The following AP3B1 variants were observed in gnomAD, a reference collection of about 807,000 sequenced individuals.
AP3B1 encodes adaptor related protein complex 3 subunit beta 1, also known as AP-3 complex subunit beta-1.
A neutral mutation model predicts 132.5 loss-of-function variants in AP3B1; 61 were observed. The ratio of observed to expected loss-of-function variants is 0.46; its 90% confidence interval spans 0.37 to 0.57. The LOEUF is 0.57. Ranked by LOEUF, AP3B1 falls within the 20% of genes least tolerant of loss-of-function variation. AP3B1 has a pLI of 0.00. For synonymous variants in AP3B1, 388 were observed against 438.3 expected, an observed-to-expected ratio of 0.89 and a Z score of 1.43; for missense variants, 1,120 against 1,289.4, an observed-to-expected ratio of 0.87 and a Z score of 2.01.
intron 22 of AP3B1, among the ~76,000 whole-genome samples, chr5:78,081,141 C>T (rs1749982300): frequency 6.6e-6 from 1 of 151,956 alleles, no homozygotes; most frequent in Non-Finnish European, 1.5e-5. Flanking sequence ...GAAGAGAAGG[C>T]AAAGAACAAG....
At chr5:78,243,850 G>A (rs1444088260) in intron 2 of AP3B1, among the ~76,000 whole-genome samples, 1 of 152,194 alleles carries the variant, frequency 6.6e-6, no homozygotes, top group African/African-American at 2.4e-5. Context: ...TGTAAAATGA[G>A]TTGGCTTTTA....
At chr5:78,034,340 T>G in intron 24 of AP3B1, 21 bp downstream of exon 24, 1 of 1,580,326 alleles carries the variant, frequency 6.3e-7, no homozygotes, top group Non-Finnish European at 8.7e-7. Flanking sequence ...ATATAAAAAA[T>G]AGAAGAACAA....
In AP3B1 at chr5:78,119,400, G is replaced by A. The variant is rs1165086265; in HGVS notation, c.1969-3166C>T. Among the ~76,000 whole-genome samples the A allele has an allele frequency of 2.6e-5, 4 of 152,088 alleles. No individual in the cohort carries two copies. The East Asian group carries it at 7.7e-4, about 29-fold the overall frequency. On this transcript the variant is annotated intron_variant, in intron 17 of 26. Coordinates refer to ENST00000255194, the MANE Select transcript of AP3B1 (RefSeq NM_003664.5). ...GATGATCAAACTACTCCAAGCTACA[G>A]GAGGAAATACAAACCAATGGCAAAT...
At chr5:78,274,721 C>T (rs1468740811) in intron 1 of AP3B1, among the ~76,000 whole-genome samples, 4 of 152,098 alleles carry the variant, frequency 2.6e-5, no homozygotes, top group East Asian at 3.9e-4. Context: ...GAGTTCAAGA[C>T]CAGCCTGGGC....
At chr5:78,062,913 C>T (rs1749120198) in intron 22 of AP3B1, among the ~76,000 whole-genome samples, 1 of 152,080 alleles carries the variant, frequency 6.6e-6, no homozygotes, top group Admixed American at 6.6e-5. Context: ...TTATGATGGG[C>T]CCCACTCAAT....
intron 1 of AP3B1, among the ~76,000 whole-genome samples, chr5:78,279,616 T>C (rs966217530): frequency 6.6e-6 from 1 of 151,854 alleles, no homozygotes; most frequent in Admixed American, 6.6e-5. Context: ...ATATTAAGAA[T>C]ATATTTCAAT....
chr5:78,256,516 A>T (rs1376125482), intron 2 of AP3B1, among the ~76,000 whole-genome samples: 1 of 152,064 alleles, frequency 6.6e-6, no homozygotes, highest in Non-Finnish European at 1.5e-5. Flanking sequence ...CACAAGATGA[A>T]AGCTGTAATA....
chr5:78,096,627 C>T (rs1750802405), intron 21 of AP3B1, among the ~76,000 whole-genome samples: 1 of 151,890 alleles, frequency 6.6e-6, no homozygotes, highest in African/African-American at 2.4e-5. Context: ...CCCGCCGCCC[C>T]ATCTGGGATG....
chr5:78,266,483 G>A (rs1748328193), intron 2 of AP3B1, among the ~76,000 whole-genome samples: 2 of 152,094 alleles, frequency 1.3e-5, no homozygotes, highest in Non-Finnish European at 2.9e-5. Flanking sequence ...AACAGAGCAT[G>A]CTGATACCTG....
chr5:78,081,474 A>AT (rs968037537), intron 22 of AP3B1, among the ~76,000 whole-genome samples: 30 of 151,214 alleles, frequency 2.0e-4, no homozygotes, highest in African/African-American at 6.1e-4. Flanking sequence ...CGCCCGGCTA[A>AT]TTTTTTTTGT....
chr5:78,009,522 T>C (rs1188039511), intron 26 of AP3B1, among the ~76,000 whole-genome samples: 1 of 152,090 alleles, frequency 6.6e-6, no homozygotes. Context: ...ATAATAAGAC[T>C]TTTATTTTAA....
At position 78,039,042 on chromosome 5, in the gene AP3B1, C is replaced by G. The variant is rs1448700462; in HGVS notation, c.2809+1G>C. The G allele has an allele frequency of 6.6e-7, 1 of 1,508,912 alleles. No individual in the cohort carries two copies. Among genetic ancestry groups the G allele is most frequent in the Admixed American group, 1.7e-5 (1 of 59,376 alleles). 93.5% of individuals were successfully genotyped at this position (1,508,912 alleles called of 1,614,324 possible). A position where few individuals can be genotyped will look rare whatever the true frequency, so the allele number is the denominator to read the frequency against. ...GGTTTTAAATGAGAATTAATATTTACCTATTGGATTAAAAACATGCATTTT... is the reference window on the plus strand; with the variant it reads ...GGTTTTAAATGAGAATTAATATTTAGCTATTGGATTAAAAACATGCATTTT... On this transcript the variant is annotated splice_donor_variant, in intron 23 of 26. Transcript: ENST00000255194. LOFTEE classifies it high-confidence loss of function.
intron 26 of AP3B1, among the ~76,000 whole-genome samples, chr5:78,008,458 T>C (rs976723975): frequency 1.6e-4 from 25 of 152,210 alleles, no homozygotes; most frequent in Non-Finnish European, 3.1e-4. Context: ...ATATGCTTTC[T>C]GTGTGAAAAT....
At chr5:78,215,920 A>G in intron 7 of AP3B1, 135 bp downstream of exon 7, 1 of 791,088 alleles carries the variant, frequency 1.3e-6, no homozygotes, top group Non-Finnish European at 2.1e-6. Context: ...CTTTAGTAAA[A>G]GAACAAGAGA....
At chr5:78,008,406 T>C (rs1026705149) in intron 26 of AP3B1, among the ~76,000 whole-genome samples, 1 of 152,196 alleles carries the variant, frequency 6.6e-6, no homozygotes, top group African/African-American at 2.4e-5. Context: ...TGTTTTAAAG[T>C]AAAAATCAGC....
intron 22 of AP3B1, chr5:78,087,783 C>A (rs1401513126): frequency 2.7e-6 from 2 of 732,520 alleles, no homozygotes; most frequent in African/African-American, 1.9e-5. Flanking sequence ...CTGCTTTCTT[C>A]TTATTATTAA....
chr5:78,146,478 G>A (rs1309706788), intron 14 of AP3B1, among the ~76,000 whole-genome samples: 1 of 152,128 alleles, frequency 6.6e-6, no homozygotes, highest in East Asian at 1.9e-4. Context: ...CAGCTTTCTT[G>A]TATTTTAATT....
At chr5:78,240,820 G>T in intron 3 of AP3B1, 42 bp downstream of exon 3, 1 of 1,395,752 alleles carries the variant, frequency 7.2e-7, no homozygotes, top group Non-Finnish European at 1.0e-6. Flanking sequence ...ACGGTCCCAT[G>T]AAAACAAAAG....
At chr5:78,108,955 T>C (rs1209115348) in intron 20 of AP3B1, among the ~76,000 whole-genome samples, 4 of 152,156 alleles carry the variant, frequency 2.6e-5, no homozygotes, top group South Asian at 2.1e-4. Flanking sequence ...TGTTCTGTCA[T>C]TTTTAAAAAA....
Sources: allele counts gnomAD v4.1 joint callset (sites outside exome capture counted in the v4.1 genomes callset), GRCh38; gene constraint gnomAD v4.1.1; transcripts MANE v1.5; gene names NCBI Gene and HGNC (gene_info 2026-07-23, HGNC 2026-07-21).